ZNF804B: variants seen among roughly 807,000 people sequenced by gnomAD.
The protein encoded by ZNF804B is zinc finger 804B.
In ZNF804B, 80 loss-of-function variants were observed where a neutral mutation model predicts 101.4. That is an observed-to-expected ratio of 0.79 (90% CI 0.66 to 0.95). The LOEUF is 0.95. Among genes scored for constraint, ZNF804B ranks in the 40% least tolerant of loss-of-function variants. The pLI, the probability that ZNF804B is intolerant of heterozygous loss-of-function variation, is 0.00. For missense variants in ZNF804B, 1,673 were observed against 1,561.9 expected (o/e 1.07, Z -1.20); for synonymous variants, 622 against 558.8 (o/e 1.11, Z -1.59).
chr7:88,863,810 G>C (rs543172922), intron 1 of ZNF804B, among the ~76,000 whole-genome samples: 1 of 152,168 alleles, frequency 6.6e-6, no homozygotes, highest in African/African-American at 2.4e-5. Flanking sequence ...ATGTCTGTCT[G>C]GAGGCAGAAA....
At chr7:89,292,136 C>T (rs556962360) in intron 2 of ZNF804B, among the ~76,000 whole-genome samples, 3 of 149,062 alleles carry the variant, frequency 2.0e-5, no homozygotes, top group African/African-American at 7.3e-5. Flanking sequence ...GTCTGTCCTA[C>T]AAGAAATAAT....
At chr7:88,900,297 A>G (rs1162471384) in intron 1 of ZNF804B, among the ~76,000 whole-genome samples, 2 of 151,922 alleles carry the variant, frequency 1.3e-5, no homozygotes, top group Non-Finnish European at 2.9e-5. Context: ...ATCGTTACAC[A>G]TGATGAACTA....
At chr7:88,958,605 TG>T (rs1446449746) in intron 1 of ZNF804B, among the ~76,000 whole-genome samples, 1 of 151,478 alleles carries the variant, frequency 6.6e-6, no homozygotes, top group Non-Finnish European at 1.5e-5. Context: ...GGCCACCTTG[TG>T]GCTCACCATA....
At chr7:89,052,501 G>C (rs1254335126) in intron 1 of ZNF804B, among the ~76,000 whole-genome samples, 1 of 151,974 alleles carries the variant, frequency 6.6e-6, no homozygotes, top group African/African-American at 2.4e-5. Flanking sequence ...TGAAACTAAG[G>C]CAAAATTGCT....
chr7:88,905,822 T>C (rs1365693127), intron 1 of ZNF804B, among the ~76,000 whole-genome samples: 1 of 151,960 alleles, frequency 6.6e-6, no homozygotes, highest in East Asian at 1.9e-4. Flanking sequence ...TTTGAAATAG[T>C]TTCAGTGGGA....
At chr7:88,852,195 G>A (rs922857573) in intron 1 of ZNF804B, among the ~76,000 whole-genome samples, 1 of 152,074 alleles carries the variant, frequency 6.6e-6, no homozygotes, top group African/African-American at 2.4e-5. Flanking sequence ...CACCCCAAGA[G>A]CATCCATCAT....
intron 1 of ZNF804B, among the ~76,000 whole-genome samples, chr7:88,882,664 A>G (rs1792062330): frequency 6.6e-6 from 1 of 152,080 alleles, no homozygotes; most frequent in Admixed American, 6.6e-5. Context: ...AAATGTGGCA[A>G]ATATGCGCCA....
At chr7:89,330,301 T>G (rs1391136865) in intron 3 of ZNF804B, among the ~76,000 whole-genome samples, 1 of 151,634 alleles carries the variant, frequency 6.6e-6, no homozygotes, top group Non-Finnish European at 1.5e-5. Context: ...GAGGATCTAA[T>G]GTAGAGCATG....
chr7:88,938,259 AAGTCTT>A (rs1793002002), intron 1 of ZNF804B, among the ~76,000 whole-genome samples: 1 of 152,032 alleles, frequency 6.6e-6, no homozygotes, highest in Non-Finnish European at 1.5e-5. Context: ...AGTTCTTTTG[AAGTCTT>A]ATAATGGCTG....
chr7:88,873,791 A>G (rs571839957), intron 1 of ZNF804B, among the ~76,000 whole-genome samples: 60 of 152,186 alleles, frequency 3.9e-4, no homozygotes, highest in South Asian at 2.3e-3. Context: ...GATATGCGGC[A>G]TTATTTCTGA....
At chr7:89,233,325 G>C (rs1361968992) in intron 2 of ZNF804B, among the ~76,000 whole-genome samples, 4 of 152,150 alleles carry the variant, frequency 2.6e-5, no homozygotes, top group African/African-American at 9.7e-5. Flanking sequence ...ATTCTATGGG[G>C]AACCAATAAA....
At chr7:89,322,232 T>C (rs1584124417) in intron 2 of ZNF804B, among the ~76,000 whole-genome samples, 1 of 152,318 alleles carries the variant, frequency 6.6e-6, no homozygotes, top group Non-Finnish European at 1.5e-5. Flanking sequence ...TTTATAGAAC[T>C]TGAAATACAG....
chr7:89,303,748 A>G (rs1790519020), intron 2 of ZNF804B, among the ~76,000 whole-genome samples: 2 of 151,944 alleles, frequency 1.3e-5, no homozygotes, highest in African/African-American at 4.8e-5. Flanking sequence ...ACAGATTTTC[A>G]TCTGATTTTA....
chr7:88,914,392 C>T (rs1347851844), intron 1 of ZNF804B, among the ~76,000 whole-genome samples: 1 of 152,150 alleles, frequency 6.6e-6, no homozygotes, highest in Admixed American at 6.6e-5. Context: ...AATACTCTCC[C>T]TCTAGTTACA....
chr7:89,210,389 G>C (rs1788784044), intron 1 of ZNF804B, among the ~76,000 whole-genome samples: 1 of 152,016 alleles, frequency 6.6e-6, no homozygotes, highest in African/African-American at 2.4e-5. Context: ...GTGCAGGTTT[G>C]TTACATAGGT....
At chr7:89,177,198 T>C (rs1393123420) in intron 1 of ZNF804B, among the ~76,000 whole-genome samples, 4 of 152,178 alleles carry the variant, frequency 2.6e-5, no homozygotes, top group Admixed American at 2.6e-4. Context: ...TTAAGATGCA[T>C]CATTAGGTTG....
intron 1 of ZNF804B, among the ~76,000 whole-genome samples, chr7:88,882,327 C>A (rs1792055452): frequency 6.6e-6 from 1 of 152,046 alleles, no homozygotes; most frequent in African/African-American, 2.4e-5. Flanking sequence ...AATGAAATAC[C>A]ATTTCACACC....
rs1302228144 is a variant in ZNF804B at position 88,799,120 on chromosome 7, T to C, written c.108+39036T>C. ...GTAACTCGTGTCAAAGAGTACACCT[T>C]ACTATTACTGATATACTTATGCCCT... On this transcript the variant is annotated intron_variant, in intron 1 of 3. Coordinates refer to ENST00000333190, the MANE Select transcript of ZNF804B (RefSeq NM_181646.5). Among the ~76,000 whole-genome samples, 11 of 152,096 alleles carry C rather than the reference T, an allele frequency of 7.2e-5. 1 individual carries two copies. The highest frequency in any genetic ancestry group is 7.2e-4 in the Admixed American group (11 of 15,244).
intron 1 of ZNF804B, among the ~76,000 whole-genome samples, chr7:89,124,302 C>T (rs1215138042): frequency 2.6e-5 from 4 of 152,138 alleles, no homozygotes; most frequent in African/African-American, 9.7e-5. Context: ...AATTCTCAGT[C>T]TAGCTTTGTA....
Sources: allele counts gnomAD v4.1 joint callset (sites outside exome capture counted in the v4.1 genomes callset), GRCh38; gene constraint gnomAD v4.1.1; transcripts MANE v1.5; gene names NCBI Gene and HGNC (gene_info 2026-07-23, HGNC 2026-07-21).